VNN1: variants seen among roughly 807,000 people sequenced by gnomAD.
VNN1 encodes the protein vanin 1, also known as pantetheinase.
In VNN1, 29 loss-of-function variants were observed where a neutral mutation model predicts 41.9. The ratio of observed to expected loss-of-function variants is 0.69; its 90% CI spans 0.52 to 0.94. The LOEUF (loss-of-function observed/expected upper bound fraction) is 0.94, where lower values mean the gene tolerates loss of function less well. Among genes scored for constraint, VNN1 ranks in the 40% least tolerant of loss-of-function variants. The pLI, the probability that VNN1 is intolerant of heterozygous loss-of-function variation, is 0.00. For missense variants in VNN1, 637 were observed against 621.1 expected (o/e 1.03, Z -0.27); for synonymous variants, 233 against 224.4 (o/e 1.04, Z -0.34).
intron 2 of VNN1, among the ~76,000 whole-genome samples, chr6:132,701,758 TAAGA>T (rs111890101): frequency 9.9e-4 from 151 of 152,162 alleles, no homozygotes; most frequent in African/African-American, 3.4e-3. Context: ...CTGAAGGAGG[TAAGA>T]AAGAAAGTCT....
chr6:132,700,542 C>A (rs1434940621), intron 2 of VNN1, among the ~76,000 whole-genome samples: 2 of 152,140 alleles, frequency 1.3e-5, no homozygotes, highest in Non-Finnish European at 2.9e-5. Flanking sequence ...CTGTTCTAGT[C>A]TGGGGCTGAG....
chr6:132,711,456 C>T (rs1377672805), intron 2 of VNN1, among the ~76,000 whole-genome samples: 1 of 152,190 alleles, frequency 6.6e-6, no homozygotes, highest in East Asian at 1.9e-4. Context: ...TTTTTCTGTT[C>T]ACTGGTGAGG....
At chr6:132,693,877 G>T (rs1181360058) in intron 3 of VNN1, 113 bp downstream of exon 3, 5 of 1,224,934 alleles carry the variant, frequency 4.1e-6, no homozygotes, top group Non-Finnish European at 5.8e-6. Context: ...TCTATGCTTT[G>T]CCCCTACTCG....
At chr6:132,700,855 T>C (rs1479573886) in intron 2 of VNN1, among the ~76,000 whole-genome samples, 1 of 152,180 alleles carries the variant, frequency 6.6e-6, no homozygotes, top group Non-Finnish European at 1.5e-5. Context: ...TTTCTTTAAA[T>C]AAGGTTATAG....
At chr6:132,712,773 A>G (rs887985202) in intron 1 of VNN1, among the ~76,000 whole-genome samples, 7 of 152,188 alleles carry the variant, frequency 4.6e-5, no homozygotes, top group African/African-American at 1.4e-4. Flanking sequence ...GTGACCTTCA[A>G]GGAAATAGTT....
Position 132,694,061 on chromosome 6 carries a change from CA to C in VNN1, c.462del (p.Asp155MetfsTer43), listed in dbSNP as rs752846086. On this transcript the variant is annotated frameshift_variant, in exon 3 of 7. Transcript: ENST00000367928. LOFTEE classifies it high-confidence loss of function. ...PCDTSDPQCP[P>X]DGRYQYNTDV... ...TCAGTGTTGTATTGGTAACGGCCAT[CA>C]GGGGGACACTGAGGATCACTGGTAT... is the stretch of plus-strand genomic sequence containing the variant. 40 of 1,614,040 alleles carry C rather than the reference CA, an allele frequency of 2.5e-5. No homozygotes were observed. The South Asian group carries it at 2.9e-4, about 12-fold the overall frequency.
chr6:132,692,989 ACAT>A, intron 4 of VNN1, 32 bp downstream of exon 4: 2 of 1,544,342 alleles, frequency 1.3e-6, no homozygotes, highest in Non-Finnish European at 1.7e-6. Context: ...TTTTCTGATT[ACAT>A]CAGCCTGCAT....
chr6:132,685,963 T>C (rs1778201462), intron 5 of VNN1, among the ~76,000 whole-genome samples: 1 of 152,092 alleles, frequency 6.6e-6, no homozygotes, highest in Non-Finnish European at 1.5e-5. Flanking sequence ...ACCCACACCT[T>C]GCAAGGCCAT....
Position 132,683,229 on chromosome 6 carries a change from C to T in VNN1, c.1453G>A (p.Ala485Thr). ...GTGAGGCCTGATGAAGCATTTGATG[C>T]CCAGTCCTTCTCATACAACCTCCCA... Reference protein sequence around the residue: ...LFGRLYEKDWASNASSGLTAQ... With the variant: ...LFGRLYEKDWTSNASSGLTAQ... Residue 485 changes from alanine (A) to threonine (T), a missense_variant, in exon 7 of 7, where the codon GCA becomes ACA. Physicochemically the swap from Ala to Thr is moderately conservative, Grantham distance 58. Coordinates refer to ENST00000367928, the MANE Select transcript of VNN1 (RefSeq NM_004666.3). 1 of 1,614,038 alleles carries T rather than the reference C, an allele frequency of 6.2e-7. No homozygotes were observed. Among genetic ancestry groups the T allele is most frequent in the Non-Finnish European group, 8.5e-7 (1 of 1,179,986 alleles).
chr6:132,692,391 A>G lies in VNN1; in HGVS notation c.1020T>C (p.Asp340=), dbSNP rs776702489. 1.9e-6 allele frequency: 3 copies of G among 1,614,200 alleles called. No homozygotes were observed. In the South Asian group the frequency reaches 3.3e-5, roughly 18 times the overall value. The change falls in exon 5 of 7, where the codon GAT becomes GAC. Residue 340 remains aspartate, a synonymous_variant. Coordinates refer to ENST00000367928, the MANE Select transcript of VNN1 (RefSeq NM_004666.3). ...NKEFKGTVFF[D]EFTFVKLTGV... ...CTGTGAGCTTCACAAAAGTGAATTC[A>G]TCGAAAAAGACAGTGCCTTTAAATT...
At chr6:132,696,966 G>T (rs1048585337) in intron 2 of VNN1, among the ~76,000 whole-genome samples, 1 of 152,160 alleles carries the variant, frequency 6.6e-6, no homozygotes, top group Non-Finnish European at 1.5e-5. Flanking sequence ...TTAGCCAGGC[G>T]TGGTGGCAGG....
intron 1 of VNN1, among the ~76,000 whole-genome samples, chr6:132,712,738 T>C (rs1394657572): frequency 6.6e-6 from 1 of 152,128 alleles, no homozygotes; most frequent in African/African-American, 2.4e-5. Context: ...CACCTTCCAA[T>C]TAGAGAGTCA....
At position 132,682,064 on chromosome 6, in the gene VNN1, A is replaced by G. The variant is rs1778132531; in HGVS notation, c.*1076T>C. 6.6e-6 allele frequency: 1 copy of G among 152,226 alleles called. No homozygotes were observed. Among genetic ancestry groups the G allele is most frequent in the Non-Finnish European group, 1.5e-5 (1 of 68,040 alleles). The allele number at this position is 152,226 out of a possible 1,614,324, so 9.4% of individuals were successfully genotyped here. ...TGTTTCACTGAGTTGTGTAATGTCA[A>G]GAGATTCTGCTGTTACTAAAATAGA... On this transcript the variant is annotated 3_prime_UTR_variant, in exon 7 of 7. Transcript: ENST00000367928.
In VNN1 at chr6:132,682,932, C is replaced by G. The variant is rs958470419; in HGVS notation, c.*208G>C. Reference sequence around the variant, plus strand: ...TAATTAGCTCACGTCCAAGAAAGACCAATGTTCAAATATAGTTTTTTAAAT... The same window carrying G: ...TAATTAGCTCACGTCCAAGAAAGACGAATGTTCAAATATAGTTTTTTAAAT... On this transcript the variant is annotated 3_prime_UTR_variant, in exon 7 of 7. Coordinates refer to ENST00000367928, the MANE Select transcript of VNN1 (RefSeq NM_004666.3). 2.8e-6 allele frequency: 1 copy of G among 357,930 alleles called. No individual in the cohort carries two copies. The highest frequency in any genetic ancestry group is 4.8e-6 in the Non-Finnish European group (1 of 206,728). 22.2% of individuals were successfully genotyped at this position (357,930 alleles called of 1,614,324 possible).
Position 132,683,153 on chromosome 6 carries a change from G to A in VNN1, c.1529C>T (p.Ser510Leu). 6.3e-7 allele frequency: 1 copy of A among 1,590,412 alleles called. No homozygotes were observed. Among genetic ancestry groups the A allele is most frequent in the Non-Finnish European group, 8.5e-7 (1 of 1,170,970 alleles). Residue 510 changes from serine to leucine, a missense_variant, in exon 7 of 7, where the codon TCA (serine) becomes TTA (leucine). Physicochemically the swap from Ser to Leu is moderately radical, Grantham distance 145. Transcript: ENST00000367928. The stretch of plus-strand genomic sequence containing the variant: ...AAAGTCAATATTCTACCAACTTAAT[G>A]AGCATACAATAGGTGCTATAACTAT... ...MLIVIAPIVC[S>L]LSW
At position 132,693,195 on chromosome 6, in the gene VNN1, G is replaced by T; in HGVS notation, c.655C>A (p.Pro219Thr). 1.9e-6 allele frequency: 3 copies of T among 1,614,126 alleles called. No homozygotes were observed. Among genetic ancestry groups the T allele is most frequent in the Non-Finnish European group, 2.5e-6 (3 of 1,180,014 alleles). The change falls in exon 4 of 7, where the codon CCT (proline) becomes ACT (threonine). Residue 219 changes from proline to threonine, a missense_variant. Pro to Thr is a conservative substitution (Grantham distance 38, BLOSUM62 -1). Coordinates refer to ENST00000367928, the MANE Select transcript of VNN1 (RefSeq NM_004666.3). ...FTCFDILFHD[P>T]AVTLVKDFHV... ...AAATCTTTCACCAAGGTAACAGCAGGATCATGGAAGAGTATATCAAAGCAT... is the reference window on the plus strand; with the variant it reads ...AAATCTTTCACCAAGGTAACAGCAGTATCATGGAAGAGTATATCAAAGCAT...
At chr6:132,687,347 T>C (rs983588729) in intron 5 of VNN1, among the ~76,000 whole-genome samples, 1 of 152,182 alleles carries the variant, frequency 6.6e-6, no homozygotes, top group Non-Finnish European at 1.5e-5. Context: ...AAATCTTGCA[T>C]CCCGATCACT....
chr6:132,687,832 C>T (rs2745430), intron 5 of VNN1, among the ~76,000 whole-genome samples: 57,532 of 151,748 alleles, frequency 0.38, 11,999 homozygotes, highest in African/African-American at 0.56. Context: ...AGAAAATTAA[C>T]GAAATTTAAA....
chr6:132,689,673 C>CAAT (rs1778255650), intron 5 of VNN1, among the ~76,000 whole-genome samples: 1 of 152,150 alleles, frequency 6.6e-6, no homozygotes, highest in Admixed American at 6.5e-5. Context: ...TCTACTTTGT[C>CAAT]AATAGTTCTT....
Sources: allele counts gnomAD v4.1 joint callset (sites outside exome capture counted in the v4.1 genomes callset), GRCh38; gene constraint gnomAD v4.1.1; transcripts MANE v1.5; gene names NCBI Gene and HGNC (gene_info 2026-07-23, HGNC 2026-07-21).